The following XXYLT1 variants were observed in gnomAD, a reference collection of about 807,000 sequenced individuals.
The protein encoded by XXYLT1 is UDP-xylose:alpha-xyloside alpha-1,3-xylosyltransferase.
XXYLT1 carries 20 observed loss-of-function variants against 28.9 expected under a neutral mutation model. That is an observed-to-expected ratio of 0.69 (90% CI 0.49 to 1.00). The LOEUF is 1.00. XXYLT1 is among the 50% of genes least tolerant of loss of function. XXYLT1 has a pLI of 0.00. For synonymous variants in XXYLT1, 257 were observed against 253.8 expected, an observed-to-expected ratio of 1.01 and a Z score of -0.12; for missense variants, 542 against 560.1, an observed-to-expected ratio of 0.97 and a Z score of 0.33.
intron 3 of XXYLT1, among the ~76,000 whole-genome samples, chr3:195,127,180 T>C (rs1718681837): frequency 1.3e-5 from 2 of 151,954 alleles, no homozygotes; most frequent in South Asian, 4.2e-4. Flanking sequence ...TAAACATGAG[T>C]GTTCAGAGAT....
rs12496459 is a variant in XXYLT1 at position 195,209,263 on chromosome 3, C to T, written c.652+17446G>A. On this transcript the variant is annotated intron_variant, in intron 2 of 3. Coordinates refer to ENST00000310380, the MANE Select transcript of XXYLT1 (RefSeq NM_152531.5). This position sits in a 1 kb window ranked among gnomAD's most constrained non-coding sequence, Gnocchi z 5.0. ...CAAGGGTTAAGGCAGAGGAGACCTACGCCAGGTCCCCGGAGACAAGCCGCT... is the reference window on the plus strand; with the variant it reads ...CAAGGGTTAAGGCAGAGGAGACCTATGCCAGGTCCCCGGAGACAAGCCGCT... 0.016 allele frequency: 2,381 copies of T among 152,440 alleles called. 55 individuals carry two copies. Among genetic ancestry groups the T allele is most frequent in the South Asian group, 0.057 (276 of 4,830 alleles). The allele number at this position is 152,440 out of a possible 1,614,324, so 9.4% of individuals were successfully genotyped here.
At chr3:195,184,691 C>G (rs750003347) in intron 2 of XXYLT1, 29 of 985,390 alleles carry the variant, frequency 2.9e-5, no homozygotes, top group Non-Finnish European at 3.5e-5. Flanking sequence ...CTTCCCCACC[C>G]CACACACAGC....
chr3:195,179,592 G>A (rs1468955572), intron 2 of XXYLT1, among the ~76,000 whole-genome samples: 1 of 152,110 alleles, frequency 6.6e-6, no homozygotes, highest in Non-Finnish European at 1.5e-5. Flanking sequence ...GAGGAGGAAT[G>A]CTGAGGAGAC....
intron 2 of XXYLT1, among the ~76,000 whole-genome samples, chr3:195,212,078 G>A (rs1723341072): frequency 7.1e-6 from 1 of 140,576 alleles, no homozygotes; most frequent in African/African-American, 2.8e-5. Context: ...GAGGGGGCAA[G>A]CCACGGAATG....
chr3:195,083,111 C>T (rs548007089), intron 3 of XXYLT1, among the ~76,000 whole-genome samples: 2 of 152,312 alleles, frequency 1.3e-5, no homozygotes, highest in African/African-American at 4.8e-5. Flanking sequence ...CGGCCCCCAG[C>T]GTCTCTTCCT....
intron 2 of XXYLT1, among the ~76,000 whole-genome samples, chr3:195,175,259 C>A (rs185607604): frequency 6.6e-6 from 1 of 152,314 alleles, no homozygotes; most frequent in East Asian, 1.9e-4. Flanking sequence ...GTCCTCTCCC[C>A]ATAACAAGAG....
rs1053471619 is a variant in XXYLT1 at position 195,180,777 on chromosome 3, C to T, written c.653-24196G>A. On this transcript the variant is annotated intron_variant, in intron 2 of 3. Coordinates refer to ENST00000310380, the MANE Select transcript of XXYLT1 (RefSeq NM_152531.5). This position sits in a 1 kb window ranked among gnomAD's most constrained non-coding sequence, Gnocchi z 5.8. Reference sequence around the variant, plus strand: ...ACCTGCTCGCCAGGAGCAAGGGCAGCGCCGGCCCTCCTCGGGAGAAGCTCC... The same window carrying T: ...ACCTGCTCGCCAGGAGCAAGGGCAGTGCCGGCCCTCCTCGGGAGAAGCTCC... 2.6e-5 allele frequency among the ~76,000 whole-genome samples: 4 copies of T among 152,234 alleles called. No individual in the cohort carries two copies. Among genetic ancestry groups the T allele is most frequent in the Admixed American group, 1.3e-4 (2 of 15,286 alleles).
chr3:195,151,584 C>CAATTATTTAGTATA, intron 3 of XXYLT1, among the ~76,000 whole-genome samples: 1 of 151,116 alleles, frequency 6.6e-6, no homozygotes, highest in African/African-American at 2.4e-5. Context: ...AAACAATAAA[C>CAATTATTTAGTATA]AATTATTTAG....
In XXYLT1 at chr3:195,240,034, C is replaced by T. The variant is rs1724710523; in HGVS notation, c.505-13178G>A. Among the ~76,000 whole-genome samples the T allele has an allele frequency of 6.6e-6, 1 of 152,240 alleles. No individual in the cohort carries two copies. The highest frequency in any genetic ancestry group is 1.9e-4 in the East Asian group (1 of 5,208). On this transcript the variant is annotated intron_variant, in intron 1 of 3. Coordinates refer to ENST00000310380, the MANE Select transcript of XXYLT1 (RefSeq NM_152531.5). The surrounding 1 kb of genome is among the most constrained non-coding windows in gnomAD (Gnocchi z 4.7). ...AAATGATTAAATCTGTGTTAAATTT[C>T]TCTGCCTACTTTTATTTTTAATTAC...
chr3:195,114,095 T>C (rs1464764178), intron 3 of XXYLT1, among the ~76,000 whole-genome samples: 2 of 152,176 alleles, frequency 1.3e-5, no homozygotes, highest in Non-Finnish European at 2.9e-5. Flanking sequence ...GGGTTGAAGA[T>C]TCTGAATGCA....
chr3:195,115,971 T>G lies in XXYLT1; in HGVS notation c.785+40478A>C, dbSNP rs963346442. ...TGGCAGGAAACTCAAGTCAGGCAGC[T>G]GAAGCATGCACTATTTGCCACAAAC... On this transcript the variant is annotated intron_variant, in intron 3 of 3. Transcript: ENST00000310380. The surrounding 1 kb of genome is among the most constrained non-coding windows in gnomAD (Gnocchi z 4.2). 6.6e-6 allele frequency among the ~76,000 whole-genome samples: 1 copy of G among 152,116 alleles called. No individual in the cohort carries two copies. Among genetic ancestry groups the G allele is most frequent in the South Asian group, 2.1e-4 (1 of 4,822 alleles).
In XXYLT1 at chr3:195,069,428, CCCTT is replaced by C; in HGVS notation, c.*283_*286del. 2.5e-6 allele frequency: 1 copy of C among 406,306 alleles called. No individual in the cohort carries two copies. Among genetic ancestry groups the C allele is most frequent in the Non-Finnish European group, 4.4e-6 (1 of 227,846 alleles). 25.2% of individuals were successfully genotyped at this position (406,306 alleles called of 1,614,324 possible). A position where few individuals can be genotyped will look rare whatever the true frequency, so the allele number is the denominator to read the frequency against. On this transcript the variant is annotated 3_prime_UTR_variant, in exon 4 of 4. Transcript: ENST00000310380. ...CAGACAGCAAGGGGGACCCTTTCTC[CCCTT>C]CCTTCTCTTCAAGTGCTTGCTTCCC...
rs1294270768 is a variant in XXYLT1, at chr3:195,143,849, T to TATATAG, written c.785+12594_785+12599dup. ...ATATATAGATATAGATATAGATATA[T>TATATAG]ATATAGATATATATAGATATAGATA... On this transcript the variant is annotated intron_variant, in intron 3 of 3. Coordinates refer to ENST00000310380, the MANE Select transcript of XXYLT1 (RefSeq NM_152531.5). 2.8e-5 allele frequency among the ~76,000 whole-genome samples: 2 copies of TATATAG among 72,554 alleles called. 1 individual carries two copies. Among genetic ancestry groups the TATATAG allele is most frequent in the Non-Finnish European group, 6.3e-5 (2 of 31,658 alleles). 47.6% of individuals were successfully genotyped at this position (72,554 alleles called of 152,430 possible).
In XXYLT1 at chr3:195,129,226, CTCTT is replaced by C. The variant is rs1315419131; in HGVS notation, c.785+27219_785+27222del. On this transcript the variant is annotated intron_variant, in intron 3 of 3. Transcript: ENST00000310380. The surrounding 1 kb of genome is among the most constrained non-coding windows in gnomAD (Gnocchi z 4.4). ...TTACAACCTCCTGCCCTCTCTCTCT[CTCTT>C]TTTTTGGTAACAGCTTTCTTGACAC... Among the ~76,000 whole-genome samples the C allele has an allele frequency of 1.3e-5, 2 of 152,172 alleles. No individual in the cohort carries two copies. Among genetic ancestry groups the C allele is most frequent in the East Asian group, 1.9e-4 (1 of 5,202 alleles).
In XXYLT1 at chr3:195,124,862, G is replaced by A. The variant is rs544728871; in HGVS notation, c.785+31587C>T. 2.0e-4 allele frequency among the ~76,000 whole-genome samples: 30 copies of A among 152,302 alleles called. No homozygotes were observed. Among genetic ancestry groups the A allele is most frequent in the South Asian group, 1.7e-3 (8 of 4,826 alleles). ...TGGAGTCTGAGCCGGCACTGGCAGC[G>A]TTTTTCACGGACGCAGCACACATCT... On this transcript the variant is annotated intron_variant, in intron 3 of 3. Transcript: ENST00000310380. This position sits in a 1 kb window ranked among gnomAD's most constrained non-coding sequence, Gnocchi z 4.1.
chr3:195,138,907 G>T (rs1032525407), intron 3 of XXYLT1, among the ~76,000 whole-genome samples: 1 of 150,618 alleles, frequency 6.6e-6, no homozygotes. Flanking sequence ...AAATGGGCTA[G>T]AGAGAGAGCA....
At chr3:195,227,192 C>T (rs1037069735) in intron 1 of XXYLT1, among the ~76,000 whole-genome samples, 3 of 152,100 alleles carry the variant, frequency 2.0e-5, no homozygotes, top group Non-Finnish European at 2.9e-5. Context: ...GCTGGGCCCC[C>T]CTGAAGGTAG....
intron 2 of XXYLT1, among the ~76,000 whole-genome samples, chr3:195,213,341 C>T (rs1293493316): frequency 4.0e-5 from 6 of 151,858 alleles, no homozygotes; most frequent in South Asian, 2.1e-4. Flanking sequence ...CTTGGCTCAC[C>T]GCAACCTCCA....
chr3:195,170,212 A>T (rs1353163183), intron 2 of XXYLT1, among the ~76,000 whole-genome samples: 1 of 152,200 alleles, frequency 6.6e-6, no homozygotes, highest in African/African-American at 2.4e-5. Context: ...AGAAGAAAAT[A>T]TACAAAATAC....
Sources: allele counts gnomAD v4.1 joint callset (sites outside exome capture counted in the v4.1 genomes callset), GRCh38; gene constraint gnomAD v4.1.1; non-coding constraint Gnocchi (gnomAD v3.1); transcripts MANE v1.5; gene names NCBI Gene and HGNC (gene_info 2026-07-23, HGNC 2026-07-21).